TRAPPC9: variants seen among roughly 807,000 people sequenced by gnomAD.
TRAPPC9 encodes trafficking protein particle complex subunit 9, also known as IKK2 binding protein.
Under a neutral mutation model 124.0 loss-of-function variants are expected in TRAPPC9, and 83 were observed. The observed-to-expected ratio is 0.67, with a 90% confidence interval of 0.56 to 0.80. The LOEUF is 0.80. Among genes scored for constraint, TRAPPC9 ranks in the 30% least tolerant of loss-of-function variants. The pLI is 0.00. For missense variants in TRAPPC9, 1,302 were observed against 1,508.3 expected, an observed-to-expected ratio of 0.86 and a Z score of 2.27; for synonymous variants, 638 against 617.5, an observed-to-expected ratio of 1.03 and a Z score of -0.49.
chr8:139,787,572 G>A (rs1281250427), intron 21 of TRAPPC9, among the ~76,000 whole-genome samples: 3 of 152,192 alleles, frequency 2.0e-5, no homozygotes, highest in Admixed American at 2.0e-4. Flanking sequence ...CTCACCGAAA[G>A]CTTAAATGTA....
At chr8:140,292,984 T>C (rs113939064) in intron 11 of TRAPPC9, among the ~76,000 whole-genome samples, 8,359 of 134,194 alleles carry the variant, frequency 0.062, 287 homozygotes, top group African/African-American at 0.12. Flanking sequence ...AGGGCTAATA[T>C]CCAGAATCTA....
chr8:139,930,449 C>G (rs1274511069), intron 19 of TRAPPC9, among the ~76,000 whole-genome samples: 1 of 152,140 alleles, frequency 6.6e-6, no homozygotes, highest in Admixed American at 6.5e-5. Flanking sequence ...ACAAGGGGGT[C>G]GATGACTAGA....
intron 21 of TRAPPC9, among the ~76,000 whole-genome samples, chr8:139,745,156 G>A (rs1232462264): frequency 6.6e-6 from 1 of 152,236 alleles, no homozygotes; most frequent in Non-Finnish European, 1.5e-5. Context: ...AACACACTGA[G>A]GCCAGGGTCT....
At chr8:139,756,741 G>C (rs1819835679) in intron 21 of TRAPPC9, among the ~76,000 whole-genome samples, 2 of 135,866 alleles carry the variant, frequency 1.5e-5, no homozygotes, top group Admixed American at 7.1e-5. Context: ...GAGGAGCCAG[G>C]GTTGGGGTAT....
intron 15 of TRAPPC9, among the ~76,000 whole-genome samples, chr8:140,267,982 T>A (rs1045326502): frequency 6.6e-6 from 1 of 151,984 alleles, no homozygotes; most frequent in Non-Finnish European, 1.5e-5. Flanking sequence ...AAGCTATTCG[T>A]AGTACTGAGA....
At chr8:140,213,076 A>G (rs930541737) in intron 17 of TRAPPC9, among the ~76,000 whole-genome samples, 2 of 85,604 alleles carry the variant, frequency 2.3e-5, no homozygotes, top group Admixed American at 1.4e-4. Context: ...GTCTCAAAAA[A>G]AAAAAAAAGT....
intron 14 of TRAPPC9, among the ~76,000 whole-genome samples, chr8:140,276,243 G>A (rs1588075020): frequency 1.3e-5 from 2 of 152,212 alleles, no homozygotes; most frequent in African/African-American, 4.8e-5. Context: ...GATTTAAGAG[G>A]AAAATGTATA....
intron 19 of TRAPPC9, among the ~76,000 whole-genome samples, chr8:139,949,370 G>A (rs191132515): frequency 1.7e-3 from 265 of 152,244 alleles, no homozygotes; most frequent in Middle Eastern, 6.8e-3. Context: ...TGGCGTTACC[G>A]TATGACCCAA....
chr8:139,978,287 T>C (rs994791361), intron 19 of TRAPPC9, among the ~76,000 whole-genome samples: 2 of 152,248 alleles, frequency 1.3e-5, no homozygotes, highest in Non-Finnish European at 2.9e-5. Flanking sequence ...ACAGTCAACC[T>C]GCACATTAAA....
rs1431552187 is a variant in TRAPPC9, at chr8:140,327,687, T to A, written c.1496-16313A>T. On this transcript the variant is annotated intron_variant, in intron 9 of 22. Transcript: ENST00000438773. ...AACAAATATTGTATGACTCCACTTATATGAGGTACCTAAAATAGGCAAATT... is the reference window on the plus strand; with the variant it reads ...AACAAATATTGTATGACTCCACTTAAATGAGGTACCTAAAATAGGCAAATT... Among the ~76,000 whole-genome samples, 8 of 152,216 alleles carry A rather than the reference T, an allele frequency of 5.3e-5. No homozygotes were observed. In the East Asian group the frequency reaches 1.3e-3, roughly 26 times the overall value.
rs973564536 is a variant in TRAPPC9 at position 139,984,604 on chromosome 8, G to T, written c.2810+4122C>A. Among the ~76,000 whole-genome samples the T allele has an allele frequency of 2.6e-5, 4 of 152,162 alleles. No homozygotes were observed. The highest frequency in any genetic ancestry group is 4.4e-5 in the Non-Finnish European group (3 of 68,014). The stretch of plus-strand genomic sequence containing the variant: ...CCAGGTCTGAGGTCTGTAAGGTGCT[G>T]TCCGGCGTTGCGAAGTAAGGTAGAG... On this transcript the variant is annotated intron_variant, in intron 19 of 22. Transcript: ENST00000438773. The surrounding 1 kb of genome is among the most constrained non-coding windows in gnomAD (Gnocchi z 4.3).
chr8:139,845,241 G>A (rs1826997260), intron 21 of TRAPPC9, among the ~76,000 whole-genome samples: 2 of 152,334 alleles, frequency 1.3e-5, no homozygotes, highest in South Asian at 4.1e-4. Flanking sequence ...ACCAAGCATT[G>A]TAGGGTATGG....
intron 15 of TRAPPC9, among the ~76,000 whole-genome samples, chr8:140,270,068 C>T (rs1261489819): frequency 6.6e-6 from 1 of 152,060 alleles, no homozygotes; most frequent in African/African-American, 2.4e-5. Flanking sequence ...CCACTGCACT[C>T]CAGCCTGGGC....
chr8:140,403,320 T>A (rs1485799059), intron 6 of TRAPPC9, among the ~76,000 whole-genome samples: 1 of 151,778 alleles, frequency 6.6e-6, no homozygotes. Flanking sequence ...GTCCCGCTAC[T>A]CAGGAGGCTA....
intron 9 of TRAPPC9, among the ~76,000 whole-genome samples, chr8:140,342,935 C>T (rs369010828): frequency 6.6e-6 from 1 of 152,154 alleles, no homozygotes; most frequent in African/African-American, 2.4e-5. Context: ...AGGACATCAA[C>T]ATACGACACG....
At chr8:140,152,765 T>C (rs2130837258) in intron 17 of TRAPPC9, among the ~76,000 whole-genome samples, 1 of 152,354 alleles carries the variant, frequency 6.6e-6, no homozygotes, top group African/African-American at 2.4e-5. Flanking sequence ...GATGTTTTTA[T>C]GGTGGTCAGT....
intron 17 of TRAPPC9, among the ~76,000 whole-genome samples, chr8:140,054,276 C>T (rs563527317): frequency 6.6e-6 from 1 of 152,298 alleles, no homozygotes; most frequent in East Asian, 1.9e-4. Flanking sequence ...TCATGCAATA[C>T]ATCCATGTGA....
At chr8:140,141,188 G>T (rs2061377252) in intron 17 of TRAPPC9, among the ~76,000 whole-genome samples, 1 of 152,174 alleles carries the variant, frequency 6.6e-6, no homozygotes, top group African/African-American at 2.4e-5. Flanking sequence ...CACTTCCCAT[G>T]GTTTCAGCTG....
At chr8:139,801,733 C>T (rs371006909) in intron 21 of TRAPPC9, among the ~76,000 whole-genome samples, 19 of 152,328 alleles carry the variant, frequency 1.2e-4, no homozygotes, top group African/African-American at 4.6e-4. Flanking sequence ...GCACGAACTC[C>T]TCTGCGTCAG....
Sources: allele counts gnomAD v4.1 joint callset (sites outside exome capture counted in the v4.1 genomes callset), GRCh38; gene constraint gnomAD v4.1.1; non-coding constraint Gnocchi (gnomAD v3.1); transcripts MANE v1.5; gene names NCBI Gene and HGNC (gene_info 2026-07-23, HGNC 2026-07-21).